Variants in GHR observed in about 807,000 individuals in gnomAD.
The protein encoded by GHR is growth hormone receptor.
Under a neutral mutation model 67.1 loss-of-function variants are expected in GHR, and 35 were observed. The ratio of observed to expected loss-of-function variants is 0.52; its 90% confidence interval spans 0.40 to 0.69. The LOEUF (loss-of-function observed/expected upper bound fraction) is 0.69. Ranked by LOEUF, GHR falls within the 30% of genes least tolerant of loss-of-function variation. The probability of loss-of-function intolerance (pLI) is 0.00; values close to 1 mark genes in which losing one functional copy is unlikely to be tolerated. For synonymous variants in GHR, 272 were observed against 269.1 expected (o/e 1.01, Z -0.10); for missense variants, 792 against 764.6 (o/e 1.04, Z -0.42).
intron 1 of GHR, among the ~76,000 whole-genome samples, chr5:42,491,577 T>C (rs141418372): frequency 9.8e-5 from 15 of 152,366 alleles, no homozygotes; most frequent in Non-Finnish European, 1.6e-4. Flanking sequence ...TAAAGATACT[T>C]AGACCACTAC....
chr5:42,700,483 A>C (rs1284486839), intron 6 of GHR, among the ~76,000 whole-genome samples: 1 of 152,216 alleles, frequency 6.6e-6, no homozygotes, highest in Non-Finnish European at 1.5e-5. Context: ...ATGTTTTGTT[A>C]CATACCTCAG....
intron 1 of GHR, among the ~76,000 whole-genome samples, chr5:42,434,353 T>G (rs979672484): frequency 1.3e-5 from 2 of 152,164 alleles, no homozygotes; most frequent in Non-Finnish European, 2.9e-5. Flanking sequence ...TGGAAAGAGT[T>G]GTAGGCTTTT....
At chr5:42,709,869 G>A (rs1314367122) in intron 6 of GHR, among the ~76,000 whole-genome samples, 1 of 152,100 alleles carries the variant, frequency 6.6e-6, no homozygotes, top group Admixed American at 6.6e-5. Flanking sequence ...GTAAGTAGGA[G>A]CCACTCGAAA....
intron 3 of GHR, among the ~76,000 whole-genome samples, chr5:42,675,324 C>G (rs536595930): frequency 7.2e-5 from 11 of 152,320 alleles, no homozygotes; most frequent in Admixed American, 1.3e-4. Flanking sequence ...GCATATCCCC[C>G]TCTCTATCCA....
At position 42,642,785 on chromosome 5, in the gene GHR, C is replaced by A. The variant is rs150908753; in HGVS notation, c.136+13682C>A. Among the ~76,000 whole-genome samples the A allele has an allele frequency of 1.3e-5, 2 of 152,128 alleles. 1 individual carries two copies. The highest frequency in any genetic ancestry group is 4.2e-4 in the South Asian group (2 of 4,816). ...CCAGAAGTCCAAAGTCAAGGTATGA[C>A]CAGGATTGGTTCCTTCTGGAGGCTC... On this transcript the variant is annotated intron_variant, in intron 3 of 9. Transcript: ENST00000230882.
intron 3 of GHR, among the ~76,000 whole-genome samples, chr5:42,634,521 GCACACACACA>G (rs10684580): frequency 6.7e-6 from 1 of 148,820 alleles, no homozygotes; most frequent in East Asian, 2.0e-4. Flanking sequence ...ATTGAATTTT[GCACACACACA>G]CACACACACA....
chr5:42,605,403 G>A (rs1752584490), intron 2 of GHR, among the ~76,000 whole-genome samples: 1 of 152,058 alleles, frequency 6.6e-6, no homozygotes, highest in South Asian at 2.1e-4. Context: ...ACCGCGCCCG[G>A]CCTGGGGTGC....
chr5:42,682,640 A>G (rs1006407752), intron 3 of GHR, among the ~76,000 whole-genome samples: 4 of 152,210 alleles, frequency 2.6e-5, no homozygotes, highest in African/African-American at 7.2e-5. Flanking sequence ...GCCAGGCACA[A>G]TATAGTTCTT....
At chr5:42,438,491 G>A (rs991587951) in intron 1 of GHR, among the ~76,000 whole-genome samples, 5 of 152,162 alleles carry the variant, frequency 3.3e-5, no homozygotes, top group African/African-American at 9.7e-5. Context: ...TGTGGCTTTA[G>A]CGACTAGGTC....
chr5:42,469,441 T>A lies in GHR; in HGVS notation c.-12+45486T>A, dbSNP rs1442497633. On this transcript the variant is annotated intron_variant, in intron 1 of 9. Transcript: ENST00000230882. ...ATTCCACTTTGACAGAACAGTCTACTGTCTGCCTCAGCCTATCCTGGAGAT... is the reference window on the plus strand; with the variant it reads ...ATTCCACTTTGACAGAACAGTCTACAGTCTGCCTCAGCCTATCCTGGAGAT... Among the ~76,000 whole-genome samples, 15 of 150,098 alleles carry A rather than the reference T, an allele frequency of 1.0e-4. No homozygotes were observed. In the East Asian group the frequency reaches 2.7e-3, roughly 27 times the overall value.
At chr5:42,660,670 G>A (rs1317548606) in intron 3 of GHR, among the ~76,000 whole-genome samples, 6 of 152,182 alleles carry the variant, frequency 3.9e-5, no homozygotes, top group South Asian at 2.1e-4. Context: ...AAAAAACAGA[G>A]CAGAAAAACT....
At chr5:42,605,118 A>G (rs1438429957) in intron 2 of GHR, among the ~76,000 whole-genome samples, 11 of 114,688 alleles carry the variant, frequency 9.6e-5, no homozygotes, top group Admixed American at 3.9e-4. Flanking sequence ...TTTTTTTGAG[A>G]CAGAGTTTCA....
At chr5:42,475,842 TTAAAGAATTCCATG>T (rs1234161610) in intron 1 of GHR, among the ~76,000 whole-genome samples, 2 of 152,210 alleles carry the variant, frequency 1.3e-5, no homozygotes, top group Admixed American at 1.3e-4. Context: ...AGGGTTCATT[TTAAAGAATTCCATG>T]CAAAGGATAT....
intron 5 of GHR, among the ~76,000 whole-genome samples, chr5:42,697,936 G>A (rs1409650431): frequency 6.6e-6 from 1 of 152,164 alleles, no homozygotes; most frequent in Non-Finnish European, 1.5e-5. Context: ...GGTGCAGGCG[G>A]TGGGACATGG....
At chr5:42,503,758 T>C (rs942578493) in intron 1 of GHR, among the ~76,000 whole-genome samples, 24 of 152,086 alleles carry the variant, frequency 1.6e-4, no homozygotes, top group African/African-American at 5.3e-4. Flanking sequence ...TTATATTTTA[T>C]ATAAGATTGT....
chr5:42,503,971 A>G (rs1213168009), intron 1 of GHR, among the ~76,000 whole-genome samples: 1 of 152,190 alleles, frequency 6.6e-6, no homozygotes, highest in Non-Finnish European at 1.5e-5. Flanking sequence ...GCTTTGGGAA[A>G]GCATTAAACT....
intron 1 of GHR, among the ~76,000 whole-genome samples, chr5:42,426,606 A>G (rs1357222136): frequency 1.3e-5 from 2 of 152,200 alleles, no homozygotes; most frequent in African/African-American, 2.4e-5. Flanking sequence ...CTTTAAAAAG[A>G]ACCCTATAAT....
chr5:42,544,683 T>C (rs1231182171), intron 1 of GHR, among the ~76,000 whole-genome samples: 1 of 152,164 alleles, frequency 6.6e-6, no homozygotes, highest in East Asian at 1.9e-4. Context: ...AAATATTAGG[T>C]ATACAAAGTA....
At chr5:42,440,059 C>A (rs978437853) in intron 1 of GHR, among the ~76,000 whole-genome samples, 2 of 152,076 alleles carry the variant, frequency 1.3e-5, no homozygotes, top group African/African-American at 4.8e-5. Context: ...TTACTCTCAT[C>A]CTCATTCATT....
Sources: gnomAD v4.1 joint callset for allele counts (sites outside exome capture counted in the v4.1 genomes callset) on GRCh38, gnomAD v4.1.1 for gene constraint, MANE v1.5 for transcripts, NCBI Gene and HGNC (gene_info 2026-07-23, HGNC 2026-07-21) for gene names.